The following MYL6 variants were observed in gnomAD, a reference collection of about 807,000 sequenced individuals.
The protein encoded by MYL6 is myosin light chain 6.
MYL6 carries 20 observed loss-of-function variants against 20.3 expected under a neutral mutation model. The ratio of observed to expected loss-of-function variants is 0.98; its 90% CI spans 0.69 to 1.43. The LOEUF (loss-of-function observed/expected upper bound fraction) is 1.43. Among genes scored for constraint, MYL6 ranks in the 40% most tolerant of loss-of-function variants. MYL6 has a pLI of 0.00. For missense variants in MYL6, 164 were observed against 191.0 expected (o/e 0.86, Z 0.83); for synonymous variants, 77 against 72.4 (o/e 1.06, Z -0.32).
chr12:56,159,133 G>A (rs571095153), intron 2 of MYL6: 47 of 336,550 alleles, frequency 1.4e-4, no homozygotes, highest in Non-Finnish European at 2.2e-4. Context: ...CTGTGCAGAT[G>A]GGGACAAGAC....
At chr12:56,159,534 T>C (rs1237053346) in intron 2 of MYL6, 53 bp from the exon 3 acceptor site, 3 of 1,590,718 alleles carry the variant, frequency 1.9e-6, no homozygotes, top group Non-Finnish European at 2.6e-6. Flanking sequence ...AGCTCTGAGG[T>C]AGGGTTTGGA....
intron 2 of MYL6, 185 bp downstream of exon 2, chr12:56,158,896 C>A: frequency 6.9e-7 from 1 of 1,440,392 alleles, no homozygotes; most frequent in South Asian, 1.5e-5. Context: ...TCCCCTTCCA[C>A]TCTAGATCTG....
intron 5 of MYL6, 54 bp downstream of exon 5, chr12:56,160,374 GTA>G (rs1871676671): frequency 1.2e-6 from 2 of 1,607,032 alleles, no homozygotes; most frequent in Non-Finnish European, 8.5e-7. Context: ...GGCAGGTCAA[GTA>G]TAGTGTCTGG....
In MYL6 at chr12:56,160,677, C is replaced by G; in HGVS notation, c.*16+7C>G. On this transcript the variant is annotated splice_region_variant and intron_variant, in intron 6 of 6. Coordinates refer to ENST00000550697, the MANE Select transcript of MYL6 (RefSeq NM_021019.5). ...TGACGGGCCCATGGGGCGGGTACGG[C>G]TCCTCCCAGCCTCTCCTCTAGTTGA... 11 of 1,613,960 alleles carry G rather than the reference C, an allele frequency of 6.8e-6. No homozygotes were observed. The highest frequency in any genetic ancestry group is 8.5e-6 in the Non-Finnish European group (10 of 1,179,896).
At position 56,160,225 on chromosome 12, in the gene MYL6, CTT is replaced by C. The variant is rs1871656735; in HGVS notation, c.350-16_350-15del. 7 of 1,614,086 alleles carry C rather than the reference CTT, an allele frequency of 4.3e-6. No homozygotes were observed. The highest frequency in any genetic ancestry group is 2.7e-5 in the African/African-American group (2 of 75,044). ...CACTTGTCACCCAATTCCAAAAATGCTTTCTTTCCCCCTGCAGGTGAGAAGAT... is the reference window on the plus strand; with the variant it reads ...CACTTGTCACCCAATTCCAAAAATGCTCTTTCCCCCTGCAGGTGAGAAGAT... On this transcript the variant is annotated splice_polypyrimidine_tract_variant and intron_variant, in intron 4 of 6. Transcript: ENST00000550697.
intron 3 of MYL6, 87 bp from the exon 4 acceptor site, chr12:56,159,877 ATCTGTCATCTC>A: frequency 1.3e-6 from 2 of 1,526,404 alleles, no homozygotes; most frequent in Non-Finnish European, 1.8e-6. Flanking sequence ...GTGGGGAGTC[ATCTGTCATCTC>A]TCTGTTCAGT....
intron 2 of MYL6, 63 bp from the exon 3 acceptor site, chr12:56,159,524 A>C: frequency 6.3e-7 from 1 of 1,578,102 alleles, no homozygotes; most frequent in Non-Finnish European, 8.6e-7. Context: ...TGGGCAGCAG[A>C]GCTCTGAGGT....
chr12:56,160,481 G>A (rs956666579), intron 5 of MYL6, 145 bp from the exon 6 acceptor site: 22 of 1,400,390 alleles, frequency 1.6e-5, no homozygotes, highest in South Asian at 1.4e-4. Context: ...AGGTCAGGGC[G>A]GTATAACAGG....
At chr12:56,158,944 T>C (rs1871518123) in intron 2 of MYL6, 2 of 1,405,844 alleles carry the variant, frequency 1.4e-6, no homozygotes, top group South Asian at 1.6e-5. Flanking sequence ...GGTGTGGGTA[T>C]GTGAAAAAAC....
At chr12:56,160,369 G>T in intron 5 of MYL6, 49 bp downstream of exon 5, 1 of 1,608,090 alleles carries the variant, frequency 6.2e-7, no homozygotes, top group Admixed American at 1.7e-5. Context: ...TATGGGGCAG[G>T]TCAAGTATAG....
Position 56,161,575 on chromosome 12 carries a change from C to A in MYL6, c.*205C>A. 1.1e-6 allele frequency: 1 copy of A among 876,704 alleles called. No individual in the cohort carries two copies. The highest frequency in any genetic ancestry group is 1.9e-6 in the Non-Finnish European group (1 of 536,132). The allele number at this position is 876,704 out of a possible 1,614,324, so 54.3% of individuals were successfully genotyped here. ...TCACCAAATAAACTTGCTCTCTGGGCCCTCGGTTCGGTTCTTTCTTTCCTG... is the reference window on the plus strand; with the variant it reads ...TCACCAAATAAACTTGCTCTCTGGGACCTCGGTTCGGTTCTTTCTTTCCTG... On this transcript the variant is annotated 3_prime_UTR_variant, in exon 7 of 7. Coordinates refer to ENST00000550697, the MANE Select transcript of MYL6 (RefSeq NM_021019.5).
chr12:56,159,765 C>T (rs765120994), intron 3 of MYL6, 35 bp downstream of exon 3: 1 of 1,599,838 alleles, frequency 6.3e-7, no homozygotes, highest in African/African-American at 1.3e-5. Context: ...TCAGTGTGGT[C>T]ATGGGCCCAC....
intron 6 of MYL6, 153 bp from the exon 7 acceptor site, chr12:56,161,234 A>G (rs1271979567): frequency 2.4e-6 from 2 of 826,098 alleles, no homozygotes; most frequent in Non-Finnish European, 4.2e-6. Context: ...AACTGGTCAG[A>G]CTCAAGGTGG....
chr12:56,160,445 C>T lies in MYL6; in HGVS notation c.427+125C>T, dbSNP rs1871687612. 5 of 1,466,404 alleles carry T rather than the reference C, an allele frequency of 3.4e-6. No individual in the cohort carries two copies. The East Asian group carries it at 6.8e-5, about 20-fold the overall frequency. 90.8% of individuals were successfully genotyped at this position (1,466,404 alleles called of 1,614,324 possible). A position where few individuals can be genotyped will look rare whatever the true frequency, so the allele number is the denominator to read the frequency against. Reference sequence around the variant, plus strand: ...AGAGCCAGGAGGCAAGGTGCAGGGCCCTGCCCAGCCCAGCCCAGGAGTGGG... The same window carrying T: ...AGAGCCAGGAGGCAAGGTGCAGGGCTCTGCCCAGCCCAGCCCAGGAGTGGG... On this transcript the variant is annotated intron_variant, in intron 5 of 6. Transcript: ENST00000550697.
chr12:56,160,472 G>A, intron 5 of MYL6, 152 bp downstream of exon 5: 2 of 1,411,904 alleles, frequency 1.4e-6, no homozygotes, highest in East Asian at 4.6e-5. Flanking sequence ...AGGAGTGGGA[G>A]GTCAGGGCGG....
At chr12:56,158,436 T>G in intron 1 of MYL6, 32 bp downstream of exon 1, 2 of 1,544,142 alleles carry the variant, frequency 1.3e-6, no homozygotes, top group Admixed American at 4.0e-5. Flanking sequence ...ACGGGCAGGA[T>G]TGGGGACGAG....
At chr12:56,159,761 T>C in intron 3 of MYL6, 31 bp downstream of exon 3, 1 of 1,604,958 alleles carries the variant, frequency 6.2e-7, no homozygotes, top group Non-Finnish European at 8.5e-7. Context: ...CTCCTCAGTG[T>C]GGTCATGGGC....
At chr12:56,159,929 C>T in intron 3 of MYL6, 46 bp from the exon 4 acceptor site, 1 of 1,578,364 alleles carries the variant, frequency 6.3e-7, no homozygotes, top group Admixed American at 1.8e-5. Context: ...GTCCTGAGAA[C>T]TTGTGTTACT....
At position 56,159,690 on chromosome 12, in the gene MYL6, C is replaced by T. The variant is rs750978382; in HGVS notation, c.135C>T (p.Asn45=). 12 of 1,614,046 alleles carry T rather than the reference C, an allele frequency of 7.4e-6. No homozygotes were observed. Among genetic ancestry groups the T allele is most frequent in the South Asian group, 3.3e-5 (3 of 91,086 alleles). Residue 45 remains asparagine, a synonymous_variant, in exon 3 of 7, where the codon AAC becomes AAT. Coordinates refer to ENST00000550697, the MANE Select transcript of MYL6 (RefSeq NM_021019.5). Reference sequence around the variant, plus strand: ...GGGCCCTGGGCCAGAACCCTACCAACGCCGAGGTGCTCAAGGTCCTGGGGA... The same window carrying T: ...GGGCCCTGGGCCAGAACCCTACCAATGCCGAGGTGCTCAAGGTCCTGGGGA... The part of the protein sequence containing the change: ...VMRALGQNPT[N]AEVLKVLGNP...
Sources: allele counts gnomAD v4.1 joint callset, GRCh38; gene constraint gnomAD v4.1.1; transcripts MANE v1.5; gene names NCBI Gene and HGNC (gene_info 2026-07-23, HGNC 2026-07-21).